Variants in DIAPH2 observed in about 807,000 individuals in gnomAD.
DIAPH2 encodes the protein protein diaphanous homolog 2.
In DIAPH2, 35 loss-of-function variants were observed where a neutral mutation model predicts 92.7. The observed-to-expected ratio is 0.38, with a 90% CI of 0.29 to 0.50. The LOEUF is 0.50. DIAPH2 is among the 20% of genes least tolerant of loss of function. The pLI is 0.94. For synonymous variants in DIAPH2, 301 were observed against 280.4 expected (o/e 1.07, Z -0.73); for missense variants, 701 against 819.5 (o/e 0.86, Z 1.77).
At chrX:97,202,767 A>C (rs2067763206) in intron 22 of DIAPH2, among the ~76,000 whole-genome samples, 1 of 112,104 alleles carries the variant, frequency 8.9e-6, no homozygotes, top group African/African-American at 3.2e-5. Context: ...AATGTTTGAC[A>C]GATTAACAAG....
chrX:97,287,446 A>G (rs1032699277), intron 23 of DIAPH2, among the ~76,000 whole-genome samples: 20 of 111,732 alleles, frequency 1.8e-4, no homozygotes, highest in African/African-American at 5.2e-4. Context: ...AAATGCGAAG[A>G]GTCAAATTTT....
At chrX:96,910,978 A>G (rs829289) in intron 5 of DIAPH2, among the ~76,000 whole-genome samples, 52,445 of 109,636 alleles carry the variant, frequency 0.48, 9,470 homozygotes, top group South Asian at 0.57. Flanking sequence ...AGTTGGGAGA[A>G]ATGGAGTTGA....
At chrX:97,461,023 A>G (rs962130108) in intron 26 of DIAPH2, among the ~76,000 whole-genome samples, 27 of 112,326 alleles carry the variant, frequency 2.4e-4, no homozygotes, top group African/African-American at 8.1e-4. Context: ...TCCAGAATGT[A>G]TGACCCTACA....
At chrX:96,922,371 C>G (rs1010880384) in intron 9 of DIAPH2, among the ~76,000 whole-genome samples, 2 of 111,262 alleles carry the variant, frequency 1.8e-5, no homozygotes, top group Non-Finnish European at 3.8e-5. Context: ...TTTTCCTCAA[C>G]ACTTCTTTCT....
intron 4 of DIAPH2, among the ~76,000 whole-genome samples, chrX:96,836,419 A>C (rs1013110362): frequency 1.6e-4 from 17 of 108,746 alleles, no homozygotes; most frequent in African/African-American, 5.0e-4. Context: ...AGGCATATTG[A>C]TTTCCATATA....
At chrX:97,035,402 G>T (rs2066403853) in intron 17 of DIAPH2, among the ~76,000 whole-genome samples, 1 of 111,961 alleles carries the variant, frequency 8.9e-6, no homozygotes, top group African/African-American at 3.2e-5. Context: ...GAGCAAAAAA[G>T]AAATTGCATA....
intron 22 of DIAPH2, among the ~76,000 whole-genome samples, chrX:97,234,287 C>T (rs1434933836): frequency 9.8e-6 from 1 of 102,524 alleles, no homozygotes; most frequent in Non-Finnish European, 2.0e-5. Context: ...GCCGAGATCT[C>T]GCCATTGCAC....
intron 1 of DIAPH2, among the ~76,000 whole-genome samples, chrX:96,718,777 C>A (rs1602451194): frequency 9.0e-6 from 1 of 111,705 alleles, no homozygotes; most frequent in Admixed American, 9.5e-5. Flanking sequence ...TACTTATTTT[C>A]TTTCTTTTGG....
intron 4 of DIAPH2, among the ~76,000 whole-genome samples, chrX:96,842,706 G>A (rs2064944754): frequency 8.9e-6 from 1 of 111,892 alleles, no homozygotes; most frequent in African/African-American, 3.3e-5. Flanking sequence ...CTTTCACCTA[G>A]TAAATGGCAG....
intron 17 of DIAPH2, among the ~76,000 whole-genome samples, chrX:97,030,440 C>CA (rs1412640737): frequency 9.0e-6 from 1 of 111,018 alleles, no homozygotes; most frequent in East Asian, 2.8e-4. Flanking sequence ...AACAGTATGA[C>CA]AAAATATCAT....
chrX:96,941,835 C>G (rs967372507), intron 12 of DIAPH2, among the ~76,000 whole-genome samples, 183 bp from the exon 13 acceptor site: 1 of 109,995 alleles, frequency 9.1e-6, no homozygotes, highest in Non-Finnish European at 1.9e-5. Context: ...GGGTTTGGTA[C>G]TGTAACACCC....
At chrX:96,944,884 C>A (rs2065728401) in intron 13 of DIAPH2, among the ~76,000 whole-genome samples, 1 of 110,720 alleles carries the variant, frequency 9.0e-6, no homozygotes, top group Non-Finnish European at 1.9e-5. Context: ...GTTTTTATTT[C>A]TTTTTGATAA....
chrX:97,414,883 G>A (rs778978152), intron 25 of DIAPH2, among the ~76,000 whole-genome samples: 5 of 111,299 alleles, frequency 4.5e-5, no homozygotes, highest in East Asian at 5.6e-4. Flanking sequence ...AAGTGCTTCC[G>A]CACAGCAAAA....
At chrX:97,262,092 T>TAAAAAAAAA (rs35665297) in intron 23 of DIAPH2, among the ~76,000 whole-genome samples, 3 of 60,545 alleles carry the variant, frequency 5.0e-5, no homozygotes, top group Non-Finnish European at 8.7e-5. Context: ...GATGAGAAAC[T>TAAAAAAAAA]AAAAAAAAAA....
chrX:97,047,777 T>C (rs1260659376), intron 17 of DIAPH2, among the ~76,000 whole-genome samples: 1 of 108,865 alleles, frequency 9.2e-6, no homozygotes, highest in Non-Finnish European at 1.9e-5. Context: ...CCTCTGACTT[T>C]GTTCTATGAT....
intron 5 of DIAPH2, among the ~76,000 whole-genome samples, chrX:96,893,062 G>A (rs1213930234): frequency 9.0e-6 from 1 of 111,487 alleles, no homozygotes; most frequent in African/African-American, 3.3e-5. Context: ...TATTTATTTC[G>A]AGTTATATGA....
intron 22 of DIAPH2, among the ~76,000 whole-genome samples, chrX:97,185,313 A>ATATATATATGTG: frequency 3.2e-5 from 1 of 31,260 alleles, no homozygotes; most frequent in African/African-American, 1.5e-4. Flanking sequence ...AAAAATATAT[A>ATATATATATGTG]TATATATATA....
At chrX:96,792,892 G>A (rs1476633437) in intron 4 of DIAPH2, among the ~76,000 whole-genome samples, 1 of 111,688 alleles carries the variant, frequency 9.0e-6, no homozygotes, top group African/African-American at 3.3e-5. Flanking sequence ...AAATAAGTTT[G>A]TGTAGGCCTG....
At chrX:97,514,243 G>A (rs1166300931) in intron 26 of DIAPH2, among the ~76,000 whole-genome samples, 8 of 108,269 alleles carry the variant, frequency 7.4e-5, no homozygotes, top group East Asian at 5.8e-4. Flanking sequence ...TTTCCTTCTC[G>A]CTTCATTTCA....
Sources: gnomAD v4.1 joint callset for allele counts (sites outside exome capture counted in the v4.1 genomes callset) on GRCh38, gnomAD v4.1.1 for gene constraint, MANE v1.5 for transcripts, NCBI Gene and HGNC (gene_info 2026-07-23, HGNC 2026-07-21) for gene names.